ZNF148: variants seen among roughly 807,000 people sequenced by gnomAD.
The protein encoded by ZNF148 is zinc finger protein 148.
Under a neutral mutation model 67.7 loss-of-function variants are expected in ZNF148, and 7 were observed. That is an observed-to-expected ratio of 0.10 (90% CI 0.06 to 0.19). The LOEUF (loss-of-function observed/expected upper bound fraction) is 0.19. Ranked by LOEUF, ZNF148 falls within the 10% of genes least tolerant of loss-of-function variation. ZNF148 has a pLI of 1.00. For missense variants in ZNF148, 583 were observed against 947.1 expected (o/e 0.62, Z 5.05); for synonymous variants, 333 against 330.7 (o/e 1.01, Z -0.08).
intron 7 of ZNF148, among the ~76,000 whole-genome samples, chr3:125,258,739 T>C (rs1178402637): frequency 2.6e-5 from 4 of 152,198 alleles, no homozygotes; most frequent in African/African-American, 9.6e-5. Context: ...AAGTAACTTA[T>C]TTTACTTAAA....
chr3:125,312,787 G>A (rs1940286485), intron 4 of ZNF148, among the ~76,000 whole-genome samples: 1 of 152,140 alleles, frequency 6.6e-6, no homozygotes, highest in Non-Finnish European at 1.5e-5. Context: ...AAACATATGG[G>A]TGCTTATGAA....
At chr3:125,355,560 G>A (rs1026660859) in intron 1 of ZNF148, among the ~76,000 whole-genome samples, 8 of 152,168 alleles carry the variant, frequency 5.3e-5, no homozygotes, top group African/African-American at 1.9e-4. Flanking sequence ...TAGGAGGAAT[G>A]GCATAAGAAA....
At chr3:125,342,832 G>C (rs964867141) in intron 1 of ZNF148, among the ~76,000 whole-genome samples, 21 of 152,236 alleles carry the variant, frequency 1.4e-4, no homozygotes, top group African/African-American at 5.1e-4. Flanking sequence ...ATTTAAAATT[G>C]GAGAAGGTGA....
chr3:125,258,114 A>ATT (rs34388942), intron 7 of ZNF148, among the ~76,000 whole-genome samples: 8 of 151,466 alleles, frequency 5.3e-5, no homozygotes, highest in Admixed American at 1.3e-4. Context: ...TGGTAACTGC[A>ATT]TTTTTTTTAA....
intron 1 of ZNF148, among the ~76,000 whole-genome samples, chr3:125,335,077 C>A (rs1356551302): frequency 1.1e-4 from 6 of 56,368 alleles, no homozygotes; most frequent in Non-Finnish European, 3.4e-5. Flanking sequence ...TACACTCAAT[C>A]CCCCTTTTAT....
At chr3:125,323,088 G>C (rs1940855215) in intron 3 of ZNF148, among the ~76,000 whole-genome samples, 1 of 152,054 alleles carries the variant, frequency 6.6e-6, no homozygotes, top group Non-Finnish European at 1.5e-5. Context: ...TTTCACTTAA[G>C]ACTACACATT....
At chr3:125,276,798 G>GA (rs1938101652) in intron 7 of ZNF148, among the ~76,000 whole-genome samples, 1 of 151,436 alleles carries the variant, frequency 6.6e-6, no homozygotes, top group Non-Finnish European at 1.5e-5. Flanking sequence ...AAAGAAAATT[G>GA]AAAAAAAAGT....
At chr3:125,284,888 G>C (rs1938573479) in intron 5 of ZNF148, among the ~76,000 whole-genome samples, 1 of 140,454 alleles carries the variant, frequency 7.1e-6, no homozygotes, top group African/African-American at 2.7e-5. Flanking sequence ...AGATGATCAG[G>C]CTTTCCCATT....
chr3:125,334,340 G>A (rs1941406364), intron 1 of ZNF148, among the ~76,000 whole-genome samples: 2 of 152,128 alleles, frequency 1.3e-5, no homozygotes, highest in South Asian at 4.1e-4. Context: ...TCTGTCCAAA[G>A]GCATTCATAA....
Position 125,233,603 on chromosome 3 carries a change from C to G in ZNF148, c.1123G>C (p.Gly375Arg). 1 of 1,613,848 alleles carries G rather than the reference C, an allele frequency of 6.2e-7. No homozygotes were observed. The change falls in exon 9 of 9, where the codon GGC (glycine) becomes CGC (arginine). Residue 375 changes from glycine (G) to arginine (R), a missense_variant. This residue lies in a region of ZNF148 where 172 missense variants were observed against 307.7 expected (regional missense o/e 0.56). Transcript: ENST00000360647. This position sits in a 1 kb window ranked among gnomAD's most constrained non-coding sequence, Gnocchi z 5.1. The part of the protein sequence containing the change: ...AVEMPHSSVG[G>R]SHLEDASGEI... Reference sequence around the variant, plus strand: ...CCTGACGCATCTTCTAAATGCGAGCCCCCAACTGACGAATGTGGCATTTCA... The same window carrying G: ...CCTGACGCATCTTCTAAATGCGAGCGCCCAACTGACGAATGTGGCATTTCA...
intron 4 of ZNF148, among the ~76,000 whole-genome samples, chr3:125,308,878 T>G (rs902548734): frequency 6.6e-6 from 1 of 152,168 alleles, no homozygotes; most frequent in Non-Finnish European, 1.5e-5. Context: ...AATAAACAAA[T>G]TTTGATATTA....
chr3:125,269,918 C>T (rs187330344), intron 7 of ZNF148, among the ~76,000 whole-genome samples: 5 of 151,636 alleles, frequency 3.3e-5, no homozygotes, highest in South Asian at 2.1e-4. Context: ...TACACACAGA[C>T]GTAAAAAATG....
At chr3:125,310,774 T>C (rs1443558477) in intron 4 of ZNF148, 1 of 152,620 alleles carries the variant, frequency 6.6e-6, no homozygotes, top group Non-Finnish European at 1.5e-5. Flanking sequence ...TTTTGCAAGA[T>C]GAAAAAGTTC....
In ZNF148 at chr3:125,233,824, G is replaced by T. The variant is rs1935963027; in HGVS notation, c.902C>A (p.Ser301Tyr). Residue 301 changes from serine to tyrosine, a missense_variant, in exon 9 of 9, where the codon TCT becomes TAT. Around this residue, in one of 5 missense-constraint regions of ZNF148, gnomAD observed 78 missense variants for 86.5 expected, o/e 0.90. Coordinates refer to ENST00000360647, the MANE Select transcript of ZNF148 (RefSeq NM_021964.3). This position sits in a 1 kb window ranked among gnomAD's most constrained non-coding sequence, Gnocchi z 5.1. The stretch of plus-strand genomic sequence containing the variant: ...GTCTTTTGGTGATGTAGAAAAGCCA[G>T]AATCTTCCTCAGATGTCAGAAGGCC... Reference protein sequence around the residue: ...KGGLLTSEEDSGFSTSPKDNS... With the variant: ...KGGLLTSEEDYGFSTSPKDNS... The T allele has an allele frequency of 6.2e-7, 1 of 1,613,654 alleles. No homozygotes were observed. The highest frequency in any genetic ancestry group is 8.5e-7 in the Non-Finnish European group (1 of 1,179,828).
chr3:125,348,471 A>T, intron 1 of ZNF148, among the ~76,000 whole-genome samples: 1 of 78,722 alleles, frequency 1.3e-5, no homozygotes, highest in Admixed American at 1.4e-4. Flanking sequence ...AAAAAGCAAG[A>T]CCCTGTCTCA....
chr3:125,323,927 C>T (rs1403941512), intron 2 of ZNF148, among the ~76,000 whole-genome samples: 109 of 150,002 alleles, frequency 7.3e-4, no homozygotes, highest in African/African-American at 2.4e-3. Flanking sequence ...CCACTGCACT[C>T]CAGCCTGGGC....
In ZNF148 at chr3:125,313,596, G is replaced by T. The variant is rs756356629; in HGVS notation, c.45C>A (p.Gly15=). The part of the protein sequence containing the change: ...DKLEGLFLKC[G]GIDEMQSSRT... ...TGGAAGACTGCATTTCGTCTATGCC[G>T]CCACATTTAAGAAACAATCCTTCCA... The change falls in exon 4 of 9, where the codon GGC becomes GGA. Residue 15 remains glycine, a synonymous_variant. Coordinates refer to ENST00000360647, the MANE Select transcript of ZNF148 (RefSeq NM_021964.3). The T allele has an allele frequency of 1.9e-6, 3 of 1,613,658 alleles. No homozygotes were observed. Among genetic ancestry groups the T allele is most frequent in the Non-Finnish European group, 2.5e-6 (3 of 1,179,746 alleles).
chr3:125,340,148 A>C (rs1941652957), intron 1 of ZNF148, among the ~76,000 whole-genome samples: 1 of 152,194 alleles, frequency 6.6e-6, no homozygotes, highest in African/African-American at 2.4e-5. Context: ...CCTCACACCC[A>C]ACAGAAGAAG....
At chr3:125,362,089 C>T (rs1300884069) in intron 1 of ZNF148, among the ~76,000 whole-genome samples, 1 of 152,212 alleles carries the variant, frequency 6.6e-6, no homozygotes, top group African/African-American at 2.4e-5. Context: ...TTTCTCCATG[C>T]CCACGCACTG....
Sources: allele counts gnomAD v4.1 joint callset (sites outside exome capture counted in the v4.1 genomes callset), GRCh38; gene constraint gnomAD v4.1.1; regional missense constraint gnomAD v4.1.1; non-coding constraint Gnocchi (gnomAD v3.1); transcripts MANE v1.5; gene names NCBI Gene and HGNC (gene_info 2026-07-23, HGNC 2026-07-21).